CDH20: variants seen among roughly 807,000 people sequenced by gnomAD.
CDH20 encodes the protein cadherin 20, also known as cadherin-20.
A neutral mutation model predicts 74.2 loss-of-function variants in CDH20; 29 were observed. The ratio of observed to expected loss-of-function variants is 0.39; its 90% confidence interval spans 0.29 to 0.53. The LOEUF (loss-of-function observed/expected upper bound fraction) is 0.53. Ranked by LOEUF, CDH20 falls within the 20% of genes least tolerant of loss-of-function variation. CDH20 has a pLI of 0.69. For synonymous variants in CDH20, 469 were observed against 405.4 expected (o/e 1.16, Z -1.88); for missense variants, 988 against 1,048.3 (o/e 0.94, Z 0.79).
chr18:61,470,465 CG>C (rs776809369), intron 1 of CDH20, among the ~76,000 whole-genome samples: 1 of 152,188 alleles, frequency 6.6e-6, no homozygotes, highest in Non-Finnish European at 1.5e-5. Context: ...CCCGTTGGTG[CG>C]GAATGACACG....
At chr18:61,480,799 A>G (rs1288690109) in intron 1 of CDH20, among the ~76,000 whole-genome samples, 1 of 152,236 alleles carries the variant, frequency 6.6e-6, no homozygotes, top group Non-Finnish European at 1.5e-5. Context: ...ACTTTACATT[A>G]CAAGTGATCT....
intron 2 of CDH20, among the ~76,000 whole-genome samples, chr18:61,494,288 A>G (rs147217455): frequency 6.6e-6 from 1 of 152,150 alleles, no homozygotes; most frequent in East Asian, 1.9e-4. Flanking sequence ...GGGATCAGGA[A>G]TCTGAGCCAG....
chr18:61,543,636 T>C (rs1417822954), intron 9 of CDH20, among the ~76,000 whole-genome samples: 1 of 150,912 alleles, frequency 6.6e-6, no homozygotes, highest in Admixed American at 6.6e-5. Context: ...CACTCCAGAG[T>C]TCTGCTTCTG....
chr18:61,536,649 G>T lies in CDH20; in HGVS notation c.1408+20G>T, dbSNP rs775030796. ...AAATGAGTAAGTAGCACAGTAAGTT[G>T]GTCTCCATGCAGTGACAAAATATAG... On this transcript the variant is annotated intron_variant, in intron 8 of 11. Coordinates refer to ENST00000262717, the MANE Select transcript of CDH20 (RefSeq NM_031891.4). The T allele has an allele frequency of 1.2e-6, 2 of 1,610,768 alleles. No individual in the cohort carries two copies. Among genetic ancestry groups the T allele is most frequent in the East Asian group, 2.2e-5 (1 of 44,832 alleles).
intron 1 of CDH20, among the ~76,000 whole-genome samples, chr18:61,468,194 C>G (rs1232143088): frequency 1.3e-5 from 2 of 152,192 alleles, no homozygotes; most frequent in East Asian, 3.9e-4. Context: ...CAGCCGTGAT[C>G]CAATCACCAG....
At chr18:61,372,429 A>T (rs1057412802) in intron 1 of CDH20, among the ~76,000 whole-genome samples, 2 of 152,130 alleles carry the variant, frequency 1.3e-5, no homozygotes, top group Admixed American at 1.3e-4. Flanking sequence ...CAGCATGTAA[A>T]TACTCAGGAA....
At chr18:61,337,190 T>C (rs1909788518) in intron 1 of CDH20, among the ~76,000 whole-genome samples, 1 of 152,186 alleles carries the variant, frequency 6.6e-6, no homozygotes, top group African/African-American at 2.4e-5. Flanking sequence ...TGGGAAATCC[T>C]CGTTATTTCC....
At chr18:61,499,537 C>CACAA in intron 3 of CDH20, 57 bp downstream of exon 3, 1 of 1,292,656 alleles carries the variant, frequency 7.7e-7, no homozygotes, top group Non-Finnish European at 1.1e-6. Flanking sequence ...TATACACACA[C>CACAA]ACACACATAT....
intron 7 of CDH20, among the ~76,000 whole-genome samples, chr18:61,534,703 G>A (rs1912761156): frequency 6.6e-6 from 1 of 152,200 alleles, no homozygotes; most frequent in African/African-American, 2.4e-5. Context: ...CAAACTCATA[G>A]AAGTAGAGAG....
chr18:61,364,407 C>G (rs999817560), intron 1 of CDH20, among the ~76,000 whole-genome samples: 3 of 152,138 alleles, frequency 2.0e-5, no homozygotes, highest in African/African-American at 4.8e-5. Flanking sequence ...CCACCTCCCC[C>G]ATTCAAGCGA....
At chr18:61,482,574 T>C (rs897166951) in intron 1 of CDH20, among the ~76,000 whole-genome samples, 1 of 152,200 alleles carries the variant, frequency 6.6e-6, no homozygotes, top group African/African-American at 2.4e-5. Context: ...CAACATTACT[T>C]TGTTCTCCTT....
intron 5 of CDH20, among the ~76,000 whole-genome samples, chr18:61,506,893 C>G (rs1309793640): frequency 6.6e-6 from 1 of 152,082 alleles, no homozygotes; most frequent in Non-Finnish European, 1.5e-5. Context: ...TCTCCATGAC[C>G]TCTGAGCAGG....
intron 1 of CDH20, among the ~76,000 whole-genome samples, chr18:61,457,964 T>C (rs1294892527): frequency 1.3e-5 from 2 of 152,174 alleles, no homozygotes; most frequent in African/African-American, 4.8e-5. Context: ...CTTTTATGAG[T>C]AAAGGAGCTA....
intron 1 of CDH20, among the ~76,000 whole-genome samples, chr18:61,388,218 T>C (rs1045919754): frequency 6.6e-6 from 1 of 152,168 alleles, no homozygotes; most frequent in Non-Finnish European, 1.5e-5. Context: ...GTAATATTTT[T>C]ATCTGGCCAA....
rs376416616 is a variant in CDH20, at chr18:61,500,380, C to G, written c.542-3C>G. On this transcript the variant is annotated splice_polypyrimidine_tract_variant and splice_region_variant and intron_variant, in intron 3 of 11. Transcript: ENST00000262717. ...ACAGGTTTCTACCTCTTCTCTTCCC[C>G]AGGTACCTCCGTCATCCAAGTGACA... is the stretch of plus-strand genomic sequence containing the variant. 6 of 1,611,448 alleles carry G rather than the reference C, an allele frequency of 3.7e-6. No homozygotes were observed. Among genetic ancestry groups the G allele is most frequent in the African/African-American group, 1.3e-5 (1 of 74,888 alleles).
rs532178655 is a variant in CDH20 at position 61,344,094 on chromosome 18, C to T, written c.-153+10267C>T. ...GGCTATTGGTTGACCTTGTAAACTA[C>T]TCTGTGTAATTTTGTTAAGAAAAGC... On this transcript the variant is annotated intron_variant, in intron 1 of 11. Transcript: ENST00000262717. 2.0e-3 allele frequency among the ~76,000 whole-genome samples: 303 copies of T among 152,296 alleles called. 1 individual carries two copies. Among genetic ancestry groups the T allele is most frequent in the African/African-American group, 6.9e-3 (288 of 41,568 alleles).
chr18:61,481,883 G>A (rs1421850292), intron 1 of CDH20, among the ~76,000 whole-genome samples: 1 of 152,052 alleles, frequency 6.6e-6, no homozygotes, highest in Non-Finnish European at 1.5e-5. Flanking sequence ...AAAACCTTCA[G>A]TTGCTCACTA....
At chr18:61,517,288 G>A (rs577159462) in intron 6 of CDH20, among the ~76,000 whole-genome samples, 1 of 152,328 alleles carries the variant, frequency 6.6e-6, no homozygotes, top group African/African-American at 2.4e-5. Flanking sequence ...AAAGGACACT[G>A]TTGTGGCAAG....
chr18:61,490,781 C>T lies in CDH20; in HGVS notation c.228C>T (p.Asp76=). The T allele has an allele frequency of 1.2e-6, 2 of 1,614,052 alleles. No individual in the cohort carries two copies. The highest frequency in any genetic ancestry group is 1.1e-5 in the South Asian group (1 of 91,068). ...FFVLEEYTGT[D]PLYVGKLHSD... Reference sequence around the variant, plus strand: ...TTCTGGAAGAGTACACTGGGACCGACCCTTTGTATGTCGGCAAGGTAAGAA... The same window carrying T: ...TTCTGGAAGAGTACACTGGGACCGATCCTTTGTATGTCGGCAAGGTAAGAA... The change falls in exon 2 of 12, where the codon GAC becomes GAT. Residue 76 remains aspartate (D), a synonymous_variant. Transcript: ENST00000262717.
Sources: gnomAD v4.1 joint callset for allele counts (sites outside exome capture counted in the v4.1 genomes callset) on GRCh38, gnomAD v4.1.1 for gene constraint, MANE v1.5 for transcripts, NCBI Gene and HGNC (gene_info 2026-07-23, HGNC 2026-07-21) for gene names.